The following FHIP2B variants were observed in gnomAD, a reference collection of about 807,000 sequenced individuals.
The protein encoded by FHIP2B is FHF complex subunit HOOK interacting protein 2B.
In FHIP2B, 72 loss-of-function variants were observed where a neutral mutation model predicts 84.0. The ratio of observed to expected loss-of-function variants is 0.86; its 90% CI spans 0.71 to 1.04. FHIP2B has a LOEUF of 1.04. FHIP2B is among the 50% of genes least tolerant of loss of function. FHIP2B has a pLI of 0.00. For synonymous variants in FHIP2B, 497 were observed against 418.7 expected (o/e 1.19, Z -2.28); for missense variants, 972 against 968.9 (o/e 1.00, Z -0.04).
chr8:22,102,338 G>T, intron 15 of FHIP2B, 23 bp downstream of exon 15: 1 of 1,600,968 alleles, frequency 6.2e-7, no homozygotes, highest in Non-Finnish European at 8.5e-7. Context: ...CGGCCCAAGG[G>T]AGTGTGCCTA....
At chr8:22,102,338 G>A in intron 15 of FHIP2B, 23 bp downstream of exon 15, 1 of 1,600,970 alleles carries the variant, frequency 6.2e-7, no homozygotes. Flanking sequence ...CGGCCCAAGG[G>A]AGTGTGCCTA....
chr8:22,099,153 C>A, intron 8 of FHIP2B, 97 bp downstream of exon 8: 1 of 1,492,590 alleles, frequency 6.7e-7, no homozygotes, highest in Non-Finnish European at 9.1e-7. Flanking sequence ...AACATGGGGT[C>A]CAGGAGCTAA....
rs2131734798 is a variant in FHIP2B, at chr8:22,104,480, TC to T, written c.*1550del. 1 of 152,474 alleles carries T rather than the reference TC, an allele frequency of 6.6e-6. No individual in the cohort carries two copies. The highest frequency in any genetic ancestry group is 6.5e-5 in the Admixed American group (1 of 15,294). The allele number at this position is 152,474 out of a possible 1,614,324, so 9.4% of individuals were successfully genotyped here. A position where few individuals can be genotyped will look rare whatever the true frequency, so the allele number is the denominator to read the frequency against. On this transcript the variant is annotated 3_prime_UTR_variant, in exon 17 of 17. Coordinates refer to ENST00000289921, the MANE Select transcript of FHIP2B (RefSeq NM_022749.7). ...CTCCCCAAGGAAGACAAATTCTTTT[TC>T]TAGCGCTGCAGCAGGGAGGTGGGGT...
intron 12 of FHIP2B, 108 bp from the exon 13 acceptor site, chr8:22,101,332 C>CTCTT (rs3063994): frequency 0.87 from 780,332 of 896,902 alleles, 341,399 homozygotes; most frequent in East Asian, 0.99. Flanking sequence ...CTGAGTTTTA[C>CTCTT]TCTTTGGCCA....
chr8:22,096,217 C>T, intron 2 of FHIP2B, 120 bp from the exon 3 acceptor site: 1 of 986,554 alleles, frequency 1.0e-6, no homozygotes, highest in Non-Finnish European at 1.4e-6. Context: ...CAGCAGCTGT[C>T]TTCCCCCACC....
At chr8:22,100,273 G>A (rs939014165) in intron 10 of FHIP2B, 2 of 374,094 alleles carry the variant, frequency 5.3e-6, no homozygotes, top group Non-Finnish European at 9.4e-6. Context: ...CACTTGGCTC[G>A]CTGGAAGGCT....
intron 16 of FHIP2B, 56 bp from the exon 17 acceptor site, chr8:22,102,737 T>A: frequency 6.2e-7 from 1 of 1,606,110 alleles, no homozygotes; most frequent in African/African-American, 1.3e-5. Flanking sequence ...TGGGCTGTCA[T>A]GCTGGGCACA....
rs199781717 is a variant in FHIP2B at position 22,097,520 on chromosome 8, C to A, written c.302C>A (p.Pro101His). Reference sequence around the variant, plus strand: ...GCGCTCTGTCCCTGGCCTCAGTACCCCCCAGGCATGCGGCAGCAGGTGTTC... The same window carrying A: ...GCGCTCTGTCCCTGGCCTCAGTACCACCCAGGCATGCGGCAGCAGGTGTTC... ...TLCTLGKAEY[P>H]PGMRQQVFQF... is the part of the protein sequence containing the mutation. The change falls in exon 4 of 17, where the codon CCC becomes CAC. Residue 101 changes from proline to histidine, a missense_variant. Transcript: ENST00000289921. The A allele has an allele frequency of 3.7e-6, 6 of 1,603,914 alleles. No individual in the cohort carries two copies. In the African/African-American group the frequency reaches 6.7e-5, roughly 18 times the overall value.
intron 3 of FHIP2B, chr8:22,096,723 G>A: frequency 1.6e-6 from 1 of 611,120 alleles, no homozygotes; most frequent in Non-Finnish European, 2.6e-6. Flanking sequence ...TCCTGACACT[G>A]AAAGTGGCAG....
chr8:22,090,256 G>C (rs1442977654), intron 1 of FHIP2B, among the ~76,000 whole-genome samples: 3 of 152,112 alleles, frequency 2.0e-5, no homozygotes, highest in Non-Finnish European at 4.4e-5. Flanking sequence ...TTGATGAGTT[G>C]AGTATCAGAT....
intron 2 of FHIP2B, chr8:22,095,752 T>G (rs1425219626): frequency 6.6e-6 from 1 of 152,284 alleles, no homozygotes; most frequent in Non-Finnish European, 1.5e-5. Context: ...AAACACACAC[T>G]GAGACTCTGA....
At position 22,099,130 on chromosome 8, in the gene FHIP2B, G is replaced by A. The variant is rs926039646; in HGVS notation, c.1074+74G>A. 4 of 1,502,888 alleles carry A rather than the reference G, an allele frequency of 2.7e-6. No individual in the cohort carries two copies. The African/African-American group carries it at 5.5e-5, about 21-fold the overall frequency. 93.1% of individuals were successfully genotyped at this position (1,502,888 alleles called of 1,614,324 possible). ...ATCTCCATCTCGAGGACCAAGTGGA[G>A]CAGGGACATGGAAACATGGGGTCCA... On this transcript the variant is annotated intron_variant, in intron 8 of 16. Coordinates refer to ENST00000289921, the MANE Select transcript of FHIP2B (RefSeq NM_022749.7).
At chr8:22,100,268 G>A (rs1281778449) in intron 10 of FHIP2B, 1 of 375,978 alleles carries the variant, frequency 2.7e-6, no homozygotes, top group Admixed American at 4.7e-5. Flanking sequence ...TTGCACACTT[G>A]GCTCGCTGGA....
chr8:22,094,375 C>T, intron 1 of FHIP2B, 65 bp from the exon 2 acceptor site: 2 of 1,493,944 alleles, frequency 1.3e-6, no homozygotes, highest in Non-Finnish European at 1.8e-6. Flanking sequence ...ATATCTGTTC[C>T]CATGCGGGCA....
chr8:22,102,954 A>C lies in FHIP2B; in HGVS notation c.*23A>C. On this transcript the variant is annotated 3_prime_UTR_variant, in exon 17 of 17. Transcript: ENST00000289921. ...TGAGCCAGCACCAGGGCGGTGGGAG[A>C]CTCCTGTCCACACCTCTGCCCCAGA... is the stretch of plus-strand genomic sequence containing the variant. 1 of 1,607,490 alleles carries C rather than the reference A, an allele frequency of 6.2e-7. No homozygotes were observed. The highest frequency in any genetic ancestry group is 1.7e-4 in the Middle Eastern group (1 of 6,044).
Position 22,089,191 on chromosome 8 carries a change from C to A in FHIP2B, c.-63C>A. The A allele has an allele frequency of 9.8e-7, 1 of 1,015,380 alleles. No homozygotes were observed. The highest frequency in any genetic ancestry group is 1.7e-5 in the African/African-American group (1 of 57,796). 62.9% of individuals were successfully genotyped at this position (1,015,380 alleles called of 1,614,324 possible). A position where few individuals can be genotyped will look rare whatever the true frequency, so the allele number is the denominator to read the frequency against. On this transcript the variant is annotated 5_prime_UTR_variant, in exon 1 of 17. Coordinates refer to ENST00000289921, the MANE Select transcript of FHIP2B (RefSeq NM_022749.7). ...CGGGGCCGCCGGGGCCACGGGGCTG[C>A]CTCCTCCGCCTAGAGCGCTGCCGCC...
At chr8:22,094,567 G>T in intron 2 of FHIP2B, 49 bp downstream of exon 2, 1 of 1,606,068 alleles carries the variant, frequency 6.2e-7, no homozygotes, top group Non-Finnish European at 8.5e-7. Flanking sequence ...GAGCGGGGAG[G>T]AAGGAGTGTG....
At position 22,089,296 on chromosome 8, in the gene FHIP2B, G is replaced by A. The variant is rs1825332955; in HGVS notation, c.43G>A (p.Ala15Thr). ...LGALLQEAVG[A>T]REPSIDLLQA... ...GGCGCTGCTGCAGGAAGCCGTGGGG[G>A]CGGTGAGGCCGGCAGGGCCGGGCCG... Residue 15 changes from alanine (A) to threonine (T), a missense_variant and splice_region_variant, in exon 1 of 17, where the codon GCG (alanine) becomes ACG (threonine). Physicochemically the swap from Ala to Thr is moderately conservative, Grantham distance 58. Coordinates refer to ENST00000289921, the MANE Select transcript of FHIP2B (RefSeq NM_022749.7). 9.7e-7 allele frequency: 1 copy of A among 1,032,048 alleles called. No homozygotes were observed. Among genetic ancestry groups the A allele is most frequent in the South Asian group, 4.4e-5 (1 of 22,568 alleles). The allele number at this position is 1,032,048 out of a possible 1,614,324, so 63.9% of individuals were successfully genotyped here. A position where few individuals can be genotyped will look rare whatever the true frequency, so the allele number is the denominator to read the frequency against.
intron 10 of FHIP2B, 146 bp downstream of exon 10, chr8:22,100,039 C>A: frequency 6.6e-6 from 5 of 762,548 alleles, no homozygotes; most frequent in African/African-American, 1.8e-5. Context: ...ACTTTTATCA[C>A]ACACTAATTT....
Sources: allele counts gnomAD v4.1 joint callset (sites outside exome capture counted in the v4.1 genomes callset), GRCh38; gene constraint gnomAD v4.1.1; transcripts MANE v1.5; gene names NCBI Gene and HGNC (gene_info 2026-07-23, HGNC 2026-07-21).